Variants in HPSE2 observed in about 807,000 individuals in gnomAD.
HPSE2 encodes the protein heparanase 2 (inactive).
A neutral mutation model predicts 60.5 loss-of-function variants in HPSE2; 38 were observed. That is an observed-to-expected ratio of 0.63 (90% CI 0.48 to 0.82). The LOEUF is 0.82. Ranked by LOEUF, HPSE2 falls within the 40% of genes least tolerant of loss-of-function variation. The pLI is 0.00. For missense variants in HPSE2, 713 were observed against 740.4 expected (o/e 0.96, Z 0.43); for synonymous variants, 295 against 293.2 (o/e 1.01, Z -0.06).
At chr10:98,700,088 A>C (rs1450633516) in intron 5 of HPSE2, among the ~76,000 whole-genome samples, 6 of 151,162 alleles carry the variant, frequency 4.0e-5, no homozygotes, top group Non-Finnish European at 5.9e-5. Context: ...TATAGATTCA[A>C]TGCCATCCCC....
At chr10:98,628,383 T>C (rs1232590722) in intron 7 of HPSE2, among the ~76,000 whole-genome samples, 1 of 152,200 alleles carries the variant, frequency 6.6e-6, no homozygotes, top group African/African-American at 2.4e-5. Context: ...CTGAGGGCTA[T>C]AGTTCAACAC....
the HPSE2 span, among the ~76,000 whole-genome samples, chr10:99,288,487 AAGG>A: frequency 6.6e-6 from 1 of 152,188 alleles, no homozygotes; most frequent in Middle Eastern, 3.2e-3. Flanking sequence ...AAAGGCAGAG[AAGG>A]AGGAGGAGAA....
chr10:99,117,300 A>G (rs1273684647), intron 3 of HPSE2, among the ~76,000 whole-genome samples: 1 of 150,938 alleles, frequency 6.6e-6, no homozygotes, highest in Non-Finnish European at 1.5e-5. Flanking sequence ...GAACCAAGAG[A>G]AAACCAACTC....
At chr10:99,055,540 G>C (rs1188255646) in intron 3 of HPSE2, among the ~76,000 whole-genome samples, 1 of 152,006 alleles carries the variant, frequency 6.6e-6, no homozygotes, top group Admixed American at 6.6e-5. Context: ...TAAAATATTG[G>C]AAAAAATAAC....
intron 11 of HPSE2, among the ~76,000 whole-genome samples, chr10:98,464,864 A>G (rs1372428710): frequency 3.9e-5 from 6 of 152,216 alleles, no homozygotes; most frequent in Admixed American, 3.9e-4. Flanking sequence ...CTGAATTATC[A>G]CTGATTCTCT....
At chr10:98,940,240 A>T (rs1954948154) in intron 3 of HPSE2, among the ~76,000 whole-genome samples, 2 of 143,980 alleles carry the variant, frequency 1.4e-5, no homozygotes, top group South Asian at 4.2e-4. Flanking sequence ...ACCAGAGCAG[A>T]AATGAAGGAA....
At chr10:98,512,397 C>A (rs1485401970) in intron 9 of HPSE2, among the ~76,000 whole-genome samples, 1 of 152,018 alleles carries the variant, frequency 6.6e-6, no homozygotes, top group Non-Finnish European at 1.5e-5. Context: ...CTGGCTAACA[C>A]GGTGAAACCC....
chr10:99,005,656 A>G (rs577350210), intron 3 of HPSE2, among the ~76,000 whole-genome samples: 71 of 151,584 alleles, frequency 4.7e-4, no homozygotes, highest in Non-Finnish European at 8.8e-4. Flanking sequence ...CATAATCTCT[A>G]TTTCTTTGAG....
Position 99,148,695 on chromosome 10 carries a change from C to A in HPSE2, c.449-4296G>T, listed in dbSNP as rs577267733. On this transcript the variant is annotated intron_variant, in intron 2 of 11. Transcript: ENST00000370552. Reference sequence around the variant, plus strand: ...ATCCCAGCTACTCGGGAGGCTGAGGCAGAAGAATCACTTGAAATTGGGAGG... The same window carrying A: ...ATCCCAGCTACTCGGGAGGCTGAGGAAGAAGAATCACTTGAAATTGGGAGG... 8.5e-4 allele frequency among the ~76,000 whole-genome samples: 129 copies of A among 152,162 alleles called. 1 individual carries two copies. The highest frequency in any genetic ancestry group is 2.9e-3 in the African/African-American group (122 of 41,502).
intron 3 of HPSE2, among the ~76,000 whole-genome samples, chr10:98,751,509 A>G (rs1433570464): frequency 6.6e-6 from 1 of 152,232 alleles, no homozygotes; most frequent in Non-Finnish European, 1.5e-5. Flanking sequence ...ACATGAAGAA[A>G]GAGTGTTTTT....
At chr10:98,932,142 C>A (rs1299064838) in intron 3 of HPSE2, among the ~76,000 whole-genome samples, 1 of 143,526 alleles carries the variant, frequency 7.0e-6, no homozygotes, top group Admixed American at 6.9e-5. Context: ...AGGTATGTTT[C>A]TTCAATATCT....
the HPSE2 span, among the ~76,000 whole-genome samples, chr10:99,304,956 T>C: frequency 1.3e-5 from 2 of 152,128 alleles, no homozygotes; most frequent in East Asian, 3.9e-4. Context: ...TTTTCTAGAG[T>C]CTATGAATAC....
rs2133951895 is a variant in HPSE2, at chr10:99,232,388, C to T, written c.408G>A (p.Gly136=). ...QNLRNPAKSR[G]GPGPDYYLKN... is the part of the protein sequence containing the mutation. ...TGAGATAGTAATCCGGGCCCGGGCC[C>T]CCGCGGCTTTTCGCCGGGTTCCTCA... The change falls in exon 2 of 12, where the codon GGG becomes GGA. Residue 136 remains glycine, a synonymous_variant. Transcript: ENST00000370552. 2 of 1,551,682 alleles carry T rather than the reference C, an allele frequency of 1.3e-6. No homozygotes were observed. Among genetic ancestry groups the T allele is most frequent in the African/African-American group, 1.4e-5 (1 of 73,158 alleles).
intron 9 of HPSE2, among the ~76,000 whole-genome samples, chr10:98,546,438 A>C (rs1264253368): frequency 6.7e-6 from 1 of 149,726 alleles, no homozygotes; most frequent in African/African-American, 2.4e-5. Flanking sequence ...ACAGCATGGT[A>C]CTGGTACCAA....
the HPSE2 span, among the ~76,000 whole-genome samples, chr10:99,245,506 GA>G: frequency 3.3e-5 from 5 of 152,234 alleles, no homozygotes; most frequent in Non-Finnish European, 7.3e-5. Context: ...CCCTAAGGGG[GA>G]AAATTATGCA....
chr10:98,564,683 G>A (rs1259795919), intron 9 of HPSE2, among the ~76,000 whole-genome samples: 2 of 152,150 alleles, frequency 1.3e-5, no homozygotes, highest in Non-Finnish European at 2.9e-5. Context: ...GGCAGGGCAA[G>A]GCAGTTTAGT....
At chr10:99,096,376 T>G (rs1843718473) in intron 3 of HPSE2, among the ~76,000 whole-genome samples, 1 of 152,228 alleles carries the variant, frequency 6.6e-6, no homozygotes, top group African/African-American at 2.4e-5. Flanking sequence ...CTTATCTAAG[T>G]GCTTCACTTA....
chr10:98,831,490 G>A (rs1043856567), intron 3 of HPSE2, among the ~76,000 whole-genome samples: 4 of 152,152 alleles, frequency 2.6e-5, no homozygotes, highest in African/African-American at 9.7e-5. Flanking sequence ...GAAAAACTTG[G>A]CTTATACATC....
intron 7 of HPSE2, among the ~76,000 whole-genome samples, chr10:98,632,578 G>A (rs1005870013): frequency 1.3e-5 from 2 of 152,094 alleles, no homozygotes; most frequent in African/African-American, 4.8e-5. Flanking sequence ...AAGGCCAAGA[G>A]TCAAAGTTTC....
Sources: allele counts gnomAD v4.1 joint callset (sites outside exome capture counted in the v4.1 genomes callset), GRCh38; gene constraint gnomAD v4.1.1; transcripts MANE v1.5; gene names NCBI Gene and HGNC (gene_info 2026-07-23, HGNC 2026-07-21).